The following LINGO2 variants were observed in gnomAD, a reference collection of about 807,000 sequenced individuals.
The protein encoded by LINGO2 is leucine rich repeat and Ig domain containing 2.
A neutral mutation model predicts 30.6 loss-of-function variants in LINGO2; 14 were observed. The ratio of observed to expected loss-of-function variants is 0.46; its 90% confidence interval spans 0.30 to 0.72. LINGO2 has a LOEUF of 0.72. Among genes scored for constraint, LINGO2 ranks in the 30% least tolerant of loss-of-function variants. The pLI, the probability that LINGO2 is intolerant of heterozygous loss-of-function variation, is 0.07. For synonymous variants in LINGO2, 317 were observed against 288.5 expected (o/e 1.10, Z -1.00); for missense variants, 729 against 751.7 (o/e 0.97, Z 0.35).
At chr9:28,381,389 A>G (rs1821351013) in intron 2 of LINGO2, among the ~76,000 whole-genome samples, 3 of 152,040 alleles carry the variant, frequency 2.0e-5, no homozygotes, top group South Asian at 2.1e-4. Context: ...TAATATAATC[A>G]TACAGTTTGG....
At chr9:29,064,923 T>G in the LINGO2 span, among the ~76,000 whole-genome samples, 1 of 152,108 alleles carries the variant, frequency 6.6e-6, no homozygotes, top group Non-Finnish European at 1.5e-5. Flanking sequence ...GAGAAATTAT[T>G]CAGCCTACAA....
intron 3 of LINGO2, among the ~76,000 whole-genome samples, chr9:28,358,260 A>T (rs567690628): frequency 6.6e-6 from 1 of 152,244 alleles, no homozygotes; most frequent in East Asian, 1.9e-4. Flanking sequence ...TAGATGGGAA[A>T]ACTGAAGCCC....
the LINGO2 span, among the ~76,000 whole-genome samples, chr9:29,086,085 T>C: frequency 1.3e-5 from 2 of 152,078 alleles, no homozygotes; most frequent in African/African-American, 4.8e-5. Context: ...CATTTCCTAA[T>C]TAGACCATAG....
chr9:28,797,329 C>CATATAT, the LINGO2 span, among the ~76,000 whole-genome samples: 130 of 65,926 alleles, frequency 2.0e-3, 7 homozygotes, highest in South Asian at 7.9e-3. Context: ...ATCATATATA[C>CATATAT]ATATATATAT....
At chr9:29,084,929 A>G in the LINGO2 span, among the ~76,000 whole-genome samples, 8 of 152,032 alleles carry the variant, frequency 5.3e-5, no homozygotes, top group Non-Finnish European at 1.0e-4. Flanking sequence ...GTGAATGAGT[A>G]AATGCAATAA....
the LINGO2 span, among the ~76,000 whole-genome samples, chr9:29,168,998 G>A: frequency 6.6e-6 from 1 of 152,158 alleles, no homozygotes; most frequent in East Asian, 1.9e-4. Flanking sequence ...ATCCAGGCTG[G>A]AGTGCAATGG....
At chr9:28,494,446 T>G (rs1335084903) in intron 1 of LINGO2, among the ~76,000 whole-genome samples, 1 of 152,106 alleles carries the variant, frequency 6.6e-6, no homozygotes, top group Non-Finnish European at 1.5e-5. Flanking sequence ...CAGTTCCCAC[T>G]TTTGAGTGAG....
At chr9:29,170,445 A>G in the LINGO2 span, among the ~76,000 whole-genome samples, 1 of 152,164 alleles carries the variant, frequency 6.6e-6, no homozygotes, top group Admixed American at 6.5e-5. Context: ...GGAGACTATA[A>G]AAGGTGGGAA....
chr9:28,895,948 G>A, the LINGO2 span, among the ~76,000 whole-genome samples: 1,307 of 152,198 alleles, frequency 8.6e-3, 15 homozygotes, highest in African/African-American at 0.029. Flanking sequence ...AAAAATCTAA[G>A]ATAGAGATAA....
chr9:28,918,220 T>C, the LINGO2 span, among the ~76,000 whole-genome samples: 1 of 151,574 alleles, frequency 6.6e-6, no homozygotes, highest in Non-Finnish European at 1.5e-5. Context: ...CAAGAGAAAA[T>C]GAGGAAGATG....
chr9:29,075,574 C>G, the LINGO2 span, among the ~76,000 whole-genome samples: 1 of 152,076 alleles, frequency 6.6e-6, no homozygotes, highest in African/African-American at 2.4e-5. Context: ...CTATTCATAA[C>G]TTTATTTTTA....
At chr9:28,731,584 ACTT>A in the LINGO2 span, among the ~76,000 whole-genome samples, 1 of 152,160 alleles carries the variant, frequency 6.6e-6, no homozygotes, top group Non-Finnish European at 1.5e-5. Context: ...CTCAAGGGAT[ACTT>A]GGGAACATTT....
the LINGO2 span, among the ~76,000 whole-genome samples, chr9:28,968,695 T>G: frequency 6.6e-6 from 1 of 152,174 alleles, no homozygotes; most frequent in Non-Finnish European, 1.5e-5. Flanking sequence ...CTTTTTTAGG[T>G]ATTAAACTTC....
At chr9:28,164,876 C>A (rs1042516570) in intron 4 of LINGO2, among the ~76,000 whole-genome samples, 22 of 152,154 alleles carry the variant, frequency 1.4e-4, no homozygotes, top group African/African-American at 4.8e-4. Context: ...TCTTACTTTG[C>A]ACACCGATAA....
chr9:29,108,227 CATAAT>C, the LINGO2 span, among the ~76,000 whole-genome samples: 2 of 152,014 alleles, frequency 1.3e-5, no homozygotes, highest in African/African-American at 4.8e-5. Context: ...ATAATCTTGA[CATAAT>C]ATAAACAAGA....
chr9:28,120,139 A>T (rs919301413), intron 4 of LINGO2, among the ~76,000 whole-genome samples: 1 of 152,200 alleles, frequency 6.6e-6, no homozygotes, highest in Admixed American at 6.5e-5. Context: ...GATTGATGCT[A>T]ATGGAACTAA....
the LINGO2 span, among the ~76,000 whole-genome samples, chr9:28,959,591 C>CTT: frequency 0.058 from 7,533 of 130,356 alleles, 196 homozygotes; most frequent in Middle Eastern, 0.12. Flanking sequence ...TCTTTTATCT[C>CTT]TCTCTCTCTC....
chr9:29,052,466 G>C, the LINGO2 span, among the ~76,000 whole-genome samples: 3 of 152,150 alleles, frequency 2.0e-5, no homozygotes, highest in African/African-American at 7.2e-5. Flanking sequence ...TTATTTATTG[G>C]CAAAATTCCC....
intron 1 of LINGO2, among the ~76,000 whole-genome samples, chr9:28,613,647 A>G (rs1164840038): frequency 6.6e-6 from 1 of 152,126 alleles, no homozygotes; most frequent in Non-Finnish European, 1.5e-5. Context: ...AGAAAGGACT[A>G]CTGGTGGGAA....
Sources: gnomAD v4.1 joint callset for allele counts (sites outside exome capture counted in the v4.1 genomes callset) on GRCh38, gnomAD v4.1.1 for gene constraint, MANE v1.5 for transcripts, NCBI Gene and HGNC (gene_info 2026-07-23, HGNC 2026-07-21) for gene names.